The following URI1 variants were observed in gnomAD, a reference collection of about 807,000 sequenced individuals.
The protein encoded by URI1 is unconventional prefoldin RPB5 interactor 1.
Under a neutral mutation model 60.2 loss-of-function variants are expected in URI1, and 39 were observed. The observed-to-expected ratio is 0.65, with a 90% CI of 0.50 to 0.85. The LOEUF is 0.85. Ranked by LOEUF, URI1 falls within the 40% of genes least tolerant of loss-of-function variation. The pLI is 0.00. For missense variants in URI1, 691 were observed against 665.9 expected, an observed-to-expected ratio of 1.04 and a Z score of -0.42; for synonymous variants, 251 against 236.8, an observed-to-expected ratio of 1.06 and a Z score of -0.55.
rs566699468 is a variant in URI1, at chr19:29,949,036, A to G, written c.117+6372A>G. Reference sequence around the variant, plus strand: ...CCCCCGCCTCCCTCCCGGACGGGGCAGCTGGCCGGGCGGGGGCTGCCCCCC... The same window carrying G: ...CCCCCGCCTCCCTCCCGGACGGGGCGGCTGGCCGGGCGGGGGCTGCCCCCC... On this transcript the variant is annotated intron_variant, in intron 1 of 10. Coordinates refer to ENST00000392271, the MANE Select transcript of URI1 (RefSeq NM_003796.3). Among the ~76,000 whole-genome samples the G allele has an allele frequency of 6.0e-4, 81 of 135,742 alleles. 1 individual carries two copies. The highest frequency in any genetic ancestry group is 1.1e-3 in the Non-Finnish European group (69 of 63,134). The allele number at this position is 135,742 out of a possible 152,430, so 89.1% of individuals were successfully genotyped here.
At chr19:29,959,381 G>C (rs1440292795) in intron 1 of URI1, among the ~76,000 whole-genome samples, 1 of 152,136 alleles carries the variant, frequency 6.6e-6, no homozygotes, top group Non-Finnish European at 1.5e-5. Flanking sequence ...ATCTGCCTTG[G>C]CTTCCCAAAA....
chr19:30,000,564 T>C (rs955886678), intron 4 of URI1, among the ~76,000 whole-genome samples: 2 of 152,046 alleles, frequency 1.3e-5, no homozygotes, highest in Non-Finnish European at 2.9e-5. Context: ...TAAGTAACTG[T>C]TGCCCTCAGA....
At chr19:29,999,131 A>T (rs971630897) in intron 4 of URI1, among the ~76,000 whole-genome samples, 1 of 152,016 alleles carries the variant, frequency 6.6e-6, no homozygotes, top group African/African-American at 2.4e-5. Context: ...TTATATCTTT[A>T]TATATTGTGT....
Position 30,016,413 on chromosome 19 carries a change from T to C in URI1, c.*1344T>C, listed in dbSNP as rs1389202938. The C allele has an allele frequency of 1.3e-5, 2 of 152,116 alleles. No individual in the cohort carries two copies. The highest frequency in any genetic ancestry group is 2.9e-5 in the Non-Finnish European group (2 of 67,972). The allele number at this position is 152,116 out of a possible 1,614,324, so 9.4% of individuals were successfully genotyped here. A position where few individuals can be genotyped will look rare whatever the true frequency, so the allele number is the denominator to read the frequency against. On this transcript the variant is annotated 3_prime_UTR_variant, in exon 11 of 11. Coordinates refer to ENST00000392271, the MANE Select transcript of URI1 (RefSeq NM_003796.3). ...TATATTTTGTAGGTAAATCTTTCAG[T>C]CCATGCCCCAACCCTCACCAAAACC...
chr19:29,974,004 G>T (rs2055490946), intron 2 of URI1, among the ~76,000 whole-genome samples: 1 of 152,120 alleles, frequency 6.6e-6, no homozygotes, highest in Non-Finnish European at 1.5e-5. Context: ...TGGTCCACTA[G>T]TGGCTGATTA....
chr19:29,926,893 C>G (rs889502032), intron 1 of URI1, among the ~76,000 whole-genome samples: 22 of 152,196 alleles, frequency 1.4e-4, no homozygotes, highest in Non-Finnish European at 4.4e-5. Context: ...CTGGCAGGAG[C>G]TAGGCTCATG....
chr19:29,939,924 G>C (rs2055007292), upstream of URI1, among the ~76,000 whole-genome samples: 1 of 152,182 alleles, frequency 6.6e-6, no homozygotes, highest in East Asian at 1.9e-4. Flanking sequence ...GTCTGGATTT[G>C]ATTCTGGTTG....
chr19:30,011,107 C>T lies in URI1; in HGVS notation c.1049C>T (p.Thr350Ile), dbSNP rs1192668290. Residue 350 changes from threonine (T) to isoleucine (I), a missense_variant, in exon 9 of 11, where the codon ACT (threonine) becomes ATT (isoleucine). Transcript: ENST00000392271. Reference protein sequence around the residue: ...TVEPKRVRINTGKNTTLKFSE... With the variant: ...TVEPKRVRINIGKNTTLKFSE... Reference sequence around the variant, plus strand: ...CTGAAATTTTAGGTCCGAATAAATACTGGAAAGAATACCACTTTAAAATTC... The same window carrying T: ...CTGAAATTTTAGGTCCGAATAAATATTGGAAAGAATACCACTTTAAAATTC... 1 of 1,607,672 alleles carries T rather than the reference C, an allele frequency of 6.2e-7. No individual in the cohort carries two copies. The highest frequency in any genetic ancestry group is 8.5e-7 in the Non-Finnish European group (1 of 1,177,948).
At chr19:29,930,966 C>T (rs960596422) in intron 1 of URI1, among the ~76,000 whole-genome samples, 4 of 151,998 alleles carry the variant, frequency 2.6e-5, no homozygotes, top group Non-Finnish European at 5.9e-5. Flanking sequence ...CCTTGGCTTC[C>T]CAATGTGTTG....
At chr19:29,996,385 A>G (rs2055812228) in intron 4 of URI1, among the ~76,000 whole-genome samples, 2 of 152,006 alleles carry the variant, frequency 1.3e-5, no homozygotes, top group South Asian at 4.1e-4. Flanking sequence ...TAGATTGCTC[A>G]TTGTTAGTGC....
At chr19:30,005,571 T>C in intron 5 of URI1, 80 bp from the exon 6 acceptor site, 1 of 1,541,914 alleles carries the variant, frequency 6.5e-7, no homozygotes, top group Non-Finnish European at 8.8e-7. Context: ...ACATCTTAGG[T>C]TGAATAGTTG....
chr19:29,958,955 C>A (rs554039736), intron 1 of URI1, among the ~76,000 whole-genome samples: 6 of 148,894 alleles, frequency 4.0e-5, no homozygotes, highest in Admixed American at 6.7e-5. Flanking sequence ...GACTCCGTCT[C>A]AAAAAAAAAA....
Position 30,014,871 on chromosome 19 carries a change from G to T in URI1, c.1426-16G>T. 1 of 1,604,696 alleles carries T rather than the reference G, an allele frequency of 6.2e-7. No homozygotes were observed. The highest frequency in any genetic ancestry group is 1.1e-5 in the South Asian group (1 of 90,006). On this transcript the variant is annotated splice_polypyrimidine_tract_variant and intron_variant, in intron 10 of 10. Coordinates refer to ENST00000392271, the MANE Select transcript of URI1 (RefSeq NM_003796.3). ...TATTTGCATTTTATTACCATAACCT[G>T]ACTTTTGTTTTCTAGGCTTTTTCTG...
intron 2 of URI1, among the ~76,000 whole-genome samples, chr19:29,981,726 T>G (rs1331451348): frequency 2.6e-5 from 4 of 152,184 alleles, no homozygotes; most frequent in Non-Finnish European, 5.9e-5. Flanking sequence ...GTCTAGCTAT[T>G]CTAAGTAAGT....
intron 4 of URI1, among the ~76,000 whole-genome samples, chr19:29,995,594 C>G (rs1298114750): frequency 6.7e-6 from 1 of 148,476 alleles, no homozygotes; most frequent in Non-Finnish European, 1.5e-5. Flanking sequence ...CTTTTACTTT[C>G]TTGATAATGT....
At chr19:29,943,629 C>A (rs576922950) in intron 1 of URI1, among the ~76,000 whole-genome samples, 3 of 152,046 alleles carry the variant, frequency 2.0e-5, no homozygotes, top group Non-Finnish European at 4.4e-5. Context: ...TACATAGATA[C>A]AAAAATATAC....
At chr19:29,975,914 G>A (rs1393794650) in intron 2 of URI1, among the ~76,000 whole-genome samples, 8 of 152,138 alleles carry the variant, frequency 5.3e-5, no homozygotes, top group Non-Finnish European at 1.2e-4. Flanking sequence ...TGTGTGTTGT[G>A]TGTGTGTATT....
intron 1 of URI1, 65 bp from the exon 2 acceptor site, chr19:29,971,128 A>G (rs1440410070): frequency 6.7e-7 from 1 of 1,502,328 alleles, no homozygotes; most frequent in African/African-American, 1.4e-5. Context: ...TTTCAGATAC[A>G]CTGATTTTTG....
chr19:29,961,300 C>G (rs2055320559), intron 1 of URI1, among the ~76,000 whole-genome samples: 1 of 132,112 alleles, frequency 7.6e-6, no homozygotes, highest in Admixed American at 8.4e-5. Flanking sequence ...GTTCATTAAA[C>G]AATAACTCTC....
Sources: gnomAD v4.1 joint callset for allele counts (sites outside exome capture counted in the v4.1 genomes callset) on GRCh38, gnomAD v4.1.1 for gene constraint, MANE v1.5 for transcripts, NCBI Gene and HGNC (gene_info 2026-07-23, HGNC 2026-07-21) for gene names.